Variants in MSH4 observed in about 807,000 individuals in gnomAD.
MSH4 encodes the protein mutS protein homolog 4.
MSH4 carries 106 observed loss-of-function variants against 113.7 expected under a neutral mutation model. The observed-to-expected ratio is 0.93, with a 90% CI of 0.80 to 1.10. The LOEUF is 1.10. Among genes scored for constraint, MSH4 ranks in the 50% least tolerant of loss-of-function variants. MSH4 has a pLI of 0.00. For missense variants in MSH4, 1,061 were observed against 1,093.7 expected (o/e 0.97, Z 0.42); for synonymous variants, 368 against 380.2 (o/e 0.97, Z 0.37).
At chr1:75,800,027 C>T (rs1146647) in intron 1 of MSH4, among the ~76,000 whole-genome samples, 137,437 of 152,170 alleles carry the variant, frequency 0.9, 62,303 homozygotes, top group South Asian at 0.94. Flanking sequence ...AATATGAAGA[C>T]TATATAGCAA....
chr1:75,872,096 T>G (rs1446240445), intron 9 of MSH4, among the ~76,000 whole-genome samples: 2 of 152,170 alleles, frequency 1.3e-5, no homozygotes, highest in Non-Finnish European at 2.9e-5. Flanking sequence ...TCAACACAGT[T>G]TATTCAGCAT....
At chr1:75,831,646 A>G (rs965883693) in intron 7 of MSH4, among the ~76,000 whole-genome samples, 2 of 152,144 alleles carry the variant, frequency 1.3e-5, no homozygotes, top group African/African-American at 4.8e-5. Context: ...CAAAACCGTT[A>G]AACTACATGG....
In MSH4 at chr1:75,881,238, G is replaced by A; in HGVS notation, c.1782-8G>A. The A allele has an allele frequency of 6.3e-7, 1 of 1,589,346 alleles. No homozygotes were observed. The highest frequency in any genetic ancestry group is 1.3e-5 in the African/African-American group (1 of 74,248). On this transcript the variant is annotated splice_polypyrimidine_tract_variant and splice_region_variant and intron_variant, in intron 13 of 19. Transcript: ENST00000263187. ...CATTATTACATGTCTTACCAAACGT[G>A]TTTTCAGGATAGTGTGCAAACTGCT... is the stretch of plus-strand genomic sequence containing the variant.
chr1:75,907,684 C>CTCTCTCTCTACATATATATATATA (rs1307238647), intron 19 of MSH4, among the ~76,000 whole-genome samples: 10 of 46,576 alleles, frequency 2.1e-4, no homozygotes, highest in Non-Finnish European at 3.7e-4. Flanking sequence ...CTCTCTCTCT[C>CTCTCTCTCTACATATATATATATA]TATACATATA....
intron 7 of MSH4, among the ~76,000 whole-genome samples, chr1:75,835,138 A>T (rs1650800891): frequency 6.6e-6 from 1 of 152,140 alleles, no homozygotes; most frequent in South Asian, 2.1e-4. Context: ...GTGTTCTGGT[A>T]GTCTAAATGA....
At chr1:75,896,625 T>G (rs912910934) in intron 17 of MSH4, among the ~76,000 whole-genome samples, 3 of 152,032 alleles carry the variant, frequency 2.0e-5, no homozygotes, top group Middle Eastern at 3.2e-3. Flanking sequence ...AATATTATTT[T>G]CTAGTATAAA....
intron 7 of MSH4, among the ~76,000 whole-genome samples, chr1:75,843,855 A>T (rs1447133382): frequency 1.3e-5 from 2 of 151,798 alleles, no homozygotes; most frequent in African/African-American, 2.4e-5. Flanking sequence ...CTTGCTGCCC[A>T]GGCTGGAATG....
chr1:75,836,405 C>G (rs1404128203), intron 7 of MSH4, among the ~76,000 whole-genome samples: 1 of 149,642 alleles, frequency 6.7e-6, no homozygotes, highest in Non-Finnish European at 1.5e-5. Flanking sequence ...TTCAAGCAAT[C>G]CTCGCACCTC....
chr1:75,879,247 A>G (rs5745454), intron 12 of MSH4, 119 bp downstream of exon 12: 285,717 of 841,504 alleles, frequency 0.34, 53,864 homozygotes, highest in East Asian at 0.65. Context: ...ATCTTCTCCT[A>G]TTCCTACCCA....
intron 7 of MSH4, among the ~76,000 whole-genome samples, chr1:75,833,634 T>C (rs1650759642): frequency 6.6e-6 from 1 of 151,904 alleles, no homozygotes; most frequent in Non-Finnish European, 1.5e-5. Flanking sequence ...ATACCACACA[T>C]CTACAACCAT....
At chr1:75,900,749 T>C (rs969113472) in intron 19 of MSH4, among the ~76,000 whole-genome samples, 1 of 152,202 alleles carries the variant, frequency 6.6e-6, no homozygotes, top group African/African-American at 2.4e-5. Flanking sequence ...TTTAAGTTCC[T>C]CTACTGTCTC....
chr1:75,845,725 A>AGG (rs1230064166), intron 7 of MSH4, among the ~76,000 whole-genome samples: 2 of 152,048 alleles, frequency 1.3e-5, no homozygotes, highest in Non-Finnish European at 2.9e-5. Context: ...GTGGGGAGGT[A>AGG]GGGGGTGATT....
At chr1:75,801,410 C>CAA (rs35503071) in intron 1 of MSH4, among the ~76,000 whole-genome samples, 2 of 145,622 alleles carry the variant, frequency 1.4e-5, no homozygotes, top group African/African-American at 5.0e-5. Flanking sequence ...ATTAAAAATA[C>CAA]AAAAAAAAAA....
chr1:75,892,844 C>G (rs923629094), intron 17 of MSH4, among the ~76,000 whole-genome samples: 13 of 152,148 alleles, frequency 8.5e-5, no homozygotes, highest in African/African-American at 3.1e-4. Flanking sequence ...ACCTGGGATC[C>G]ATGGATCCCT....
intron 8 of MSH4, among the ~76,000 whole-genome samples, chr1:75,862,144 A>G (rs1468064612): frequency 2.0e-5 from 3 of 152,128 alleles, no homozygotes; most frequent in Non-Finnish European, 4.4e-5. Context: ...GACCGTGGGA[A>G]AAGTGCAGTA....
At chr1:75,813,366 G>C (rs1650228080) in intron 4 of MSH4, among the ~76,000 whole-genome samples, 1 of 152,152 alleles carries the variant, frequency 6.6e-6, no homozygotes, top group South Asian at 2.1e-4. Flanking sequence ...TAATTTCAGT[G>C]CATTTGAATA....
chr1:75,833,224 A>C (rs1225253449), intron 7 of MSH4, among the ~76,000 whole-genome samples: 1 of 152,202 alleles, frequency 6.6e-6, no homozygotes, highest in African/African-American at 2.4e-5. Context: ...AATCCAACTT[A>C]TAAGGGATGT....
At chr1:75,905,826 C>A (rs1381676330) in intron 19 of MSH4, among the ~76,000 whole-genome samples, 1 of 151,914 alleles carries the variant, frequency 6.6e-6, no homozygotes, top group Non-Finnish European at 1.5e-5. Context: ...TTTTTACAGT[C>A]TTTGACTTGA....
intron 2 of MSH4, 90 bp from the exon 3 acceptor site, chr1:75,806,891 T>C: frequency 8.4e-7 from 1 of 1,183,556 alleles, no homozygotes. Context: ...CATTATTTTG[T>C]CCTCTTGATT....
Sources: allele counts gnomAD v4.1 joint callset (sites outside exome capture counted in the v4.1 genomes callset), GRCh38; gene constraint gnomAD v4.1.1; transcripts MANE v1.5; gene names NCBI Gene and HGNC (gene_info 2026-07-23, HGNC 2026-07-21).